ALK: variants seen among roughly 807,000 people sequenced by gnomAD.
ALK encodes ALK receptor tyrosine kinase, also known as ALK tyrosine kinase receptor.
A neutral mutation model predicts 163.1 loss-of-function variants in ALK; 74 were observed. The ratio of observed to expected loss-of-function variants is 0.45; its 90% confidence interval spans 0.38 to 0.55. The LOEUF (loss-of-function observed/expected upper bound fraction) is 0.55, where lower values mean the gene tolerates loss of function less well. Among genes scored for constraint, ALK ranks in the 20% least tolerant of loss-of-function variants. ALK has a pLI of 0.00. For missense variants in ALK, 2,063 were observed against 2,105.3 expected, an observed-to-expected ratio of 0.98 and a Z score of 0.39; for synonymous variants, 960 against 843.2, an observed-to-expected ratio of 1.14 and a Z score of -2.40.
At chr2:29,377,428 T>C (rs1481205477) in intron 5 of ALK, among the ~76,000 whole-genome samples, 2 of 138,126 alleles carry the variant, frequency 1.4e-5, no homozygotes, top group Admixed American at 8.3e-5. Context: ...TGAGCTGAGA[T>C]GGCGCCACTG....
chr2:29,389,292 C>T (rs1469765413), intron 4 of ALK, among the ~76,000 whole-genome samples: 1 of 152,098 alleles, frequency 6.6e-6, no homozygotes, highest in Admixed American at 6.6e-5. Flanking sequence ...AAAGCCGAGG[C>T]CAAAGTGATG....
At chr2:29,705,246 T>TAC (rs1558451153) in intron 2 of ALK, among the ~76,000 whole-genome samples, 1 of 29,800 alleles carries the variant, frequency 3.4e-5, no homozygotes, top group Non-Finnish European at 6.1e-5. Flanking sequence ...AAGAAATATA[T>TAC]ATATATATAT....
At chr2:29,601,323 T>C (rs887351157) in intron 3 of ALK, among the ~76,000 whole-genome samples, 1 of 152,226 alleles carries the variant, frequency 6.6e-6, no homozygotes, top group Non-Finnish European at 1.5e-5. Flanking sequence ...TTTAATGACT[T>C]GATTCTGGTG....
chr2:29,452,202 C>T (rs1209881445), intron 4 of ALK, among the ~76,000 whole-genome samples: 1 of 152,192 alleles, frequency 6.6e-6, no homozygotes, highest in Non-Finnish European at 1.5e-5. Flanking sequence ...CCCCTTACTC[C>T]CTGCACTCCA....
At chr2:29,753,161 C>T (rs1680422020) in intron 1 of ALK, among the ~76,000 whole-genome samples, 1 of 152,324 alleles carries the variant, frequency 6.6e-6, no homozygotes. Flanking sequence ...ATAGAAACTC[C>T]TCCAATGTTC....
intron 1 of ALK, among the ~76,000 whole-genome samples, chr2:29,774,209 C>G (rs975765503): frequency 2.6e-5 from 4 of 152,220 alleles, no homozygotes; most frequent in African/African-American, 2.4e-5. Flanking sequence ...TCTCTCCCCC[C>G]TGTTGCTTTG....
chr2:29,813,397 A>G (rs182652138), intron 1 of ALK, among the ~76,000 whole-genome samples: 32 of 152,268 alleles, frequency 2.1e-4, no homozygotes, highest in African/African-American at 7.0e-4. Context: ...AGCACTAAGA[A>G]TGGGGGTTTG....
At chr2:29,436,997 C>T (rs1222978766) in intron 4 of ALK, among the ~76,000 whole-genome samples, 1 of 152,164 alleles carries the variant, frequency 6.6e-6, no homozygotes, top group Admixed American at 6.5e-5. Context: ...CAACCAGTCC[C>T]AGGATTTGAT....
At chr2:29,788,291 G>A (rs906372578) in intron 1 of ALK, among the ~76,000 whole-genome samples, 8 of 152,182 alleles carry the variant, frequency 5.3e-5, no homozygotes, top group African/African-American at 7.2e-5. Context: ...ACAATGTCAT[G>A]GGAGGCAGGC....
chr2:29,229,964 G>A (rs1449894891), intron 15 of ALK, among the ~76,000 whole-genome samples: 4 of 152,176 alleles, frequency 2.6e-5, no homozygotes, highest in Non-Finnish European at 2.9e-5. Flanking sequence ...CTACAGAGCC[G>A]AGGTTGAATG....
intron 3 of ALK, among the ~76,000 whole-genome samples, chr2:29,684,922 A>G (rs1254405138): frequency 6.6e-6 from 1 of 152,244 alleles, no homozygotes; most frequent in Non-Finnish European, 1.5e-5. Flanking sequence ...AGGTCAAGAA[A>G]TATTTAATGA....
intron 5 of ALK, among the ~76,000 whole-genome samples, chr2:29,330,348 G>A (rs1261023727): frequency 6.6e-6 from 1 of 152,132 alleles, no homozygotes; most frequent in Non-Finnish European, 1.5e-5. Flanking sequence ...GTCCGTCCAG[G>A]TCCAGCTCAC....
chr2:29,833,433 T>TAC (rs1254816807), intron 1 of ALK, among the ~76,000 whole-genome samples: 1 of 152,250 alleles, frequency 6.6e-6, no homozygotes, highest in Non-Finnish European at 1.5e-5. Context: ...TCTCATGCTC[T>TAC]ACAGTGTGAA....
At chr2:29,488,002 G>A (rs1411041848) in intron 4 of ALK, among the ~76,000 whole-genome samples, 2 of 151,780 alleles carry the variant, frequency 1.3e-5, no homozygotes, top group Non-Finnish European at 2.9e-5. Context: ...TTTTCTGTTG[G>A]ACTCTTTTAT....
intron 1 of ALK, among the ~76,000 whole-genome samples, chr2:29,752,845 A>G (rs894054989): frequency 6.6e-6 from 1 of 152,116 alleles, no homozygotes; most frequent in African/African-American, 2.4e-5. Flanking sequence ...CTTTTCAAGG[A>G]GCGAAAGGAC....
intron 4 of ALK, among the ~76,000 whole-genome samples, chr2:29,442,450 T>C (rs1001166043): frequency 2.6e-5 from 4 of 152,134 alleles, no homozygotes; most frequent in African/African-American, 9.7e-5. Flanking sequence ...CAGTGTGGGA[T>C]GGAGGGAAGT....
In ALK at chr2:29,920,948, G is replaced by C. The variant is rs1268137712; in HGVS notation, c.-289C>G. The stretch of plus-strand genomic sequence containing the variant: ...CCTCCCGCTCTCCGCGCCGAGTGCC[G>C]CGCCCCCGTCTGTAGCTCGCTGCGC... On this transcript the variant is annotated 5_prime_UTR_variant, in exon 1 of 29. Coordinates refer to ENST00000389048, the MANE Select transcript of ALK (RefSeq NM_004304.5). 15 of 498,146 alleles carry C rather than the reference G, an allele frequency of 3.0e-5. No individual in the cohort carries two copies. The highest frequency in any genetic ancestry group is 4.3e-5 in the Non-Finnish European group (12 of 277,858). 30.9% of individuals were successfully genotyped at this position (498,146 alleles called of 1,614,324 possible).
At chr2:29,510,795 T>C (rs1354914549) in intron 4 of ALK, among the ~76,000 whole-genome samples, 1 of 152,106 alleles carries the variant, frequency 6.6e-6, no homozygotes, top group African/African-American at 2.4e-5. Context: ...TTTTACAGAG[T>C]TGAGAGAGGA....
At chr2:29,593,033 A>T (rs1573484068) in intron 3 of ALK, among the ~76,000 whole-genome samples, 1 of 152,250 alleles carries the variant, frequency 6.6e-6, no homozygotes, top group Non-Finnish European at 1.5e-5. Flanking sequence ...AGAAACTAGC[A>T]CATGGCCTGA....
Sources: gnomAD v4.1 joint callset for allele counts (sites outside exome capture counted in the v4.1 genomes callset) on GRCh38, gnomAD v4.1.1 for gene constraint, MANE v1.5 for transcripts, NCBI Gene and HGNC (gene_info 2026-07-23, HGNC 2026-07-21) for gene names.